TLN2: variants seen among roughly 807,000 people sequenced by gnomAD.
TLN2 encodes the protein talin-2.
Under a neutral mutation model 294.7 loss-of-function variants are expected in TLN2, and 118 were observed. That is an observed-to-expected ratio of 0.40 (90% CI 0.34 to 0.47). The LOEUF (loss-of-function observed/expected upper bound fraction) is 0.47. Among genes scored for constraint, TLN2 ranks in the 20% least tolerant of loss-of-function variants. The pLI is 0.84. For missense variants in TLN2, 3,083 were observed against 3,282.2 expected, an observed-to-expected ratio of 0.94 and a Z score of 1.48; for synonymous variants, 1,431 against 1,304.5, an observed-to-expected ratio of 1.10 and a Z score of -2.09.
At chr15:62,392,429 T>C (rs1202840206) in intron 1 of TLN2, among the ~76,000 whole-genome samples, 1 of 152,220 alleles carries the variant, frequency 6.6e-6, no homozygotes, top group African/African-American at 2.4e-5. Flanking sequence ...CCACTTACTT[T>C]TCCATTAATA....
intron 42 of TLN2, 144 bp downstream of exon 42, chr15:62,771,278 A>G (rs937582634): frequency 6.3e-6 from 6 of 950,806 alleles, no homozygotes; most frequent in African/African-American, 1.7e-5. Context: ...GAAATAATCT[A>G]TTGGCCTTCC....
rs150640748 is a variant in TLN2, at chr15:62,457,972, A to G, written c.-238+67287A>G. Among the ~76,000 whole-genome samples, 22 of 152,342 alleles carry G rather than the reference A, an allele frequency of 1.4e-4. No individual in the cohort carries two copies. In the East Asian group the frequency reaches 2.3e-3, roughly 16 times the overall value. On this transcript the variant is annotated intron_variant, in intron 1 of 58. Coordinates refer to ENST00000636159, the MANE Select transcript of TLN2 (RefSeq NM_015059.3). ...TGGAAGTTTGGGATGGTTTGGAAGC[A>G]ACTGTGCCAGAAAACTGGAAAAAAA...
chr15:62,697,985 C>G, intron 15 of TLN2, 117 bp downstream of exon 15: 1 of 1,283,320 alleles, frequency 7.8e-7, no homozygotes, highest in South Asian at 1.4e-5. Context: ...CCGGCTGAAC[C>G]ATGCCTCGTT....
At chr15:62,703,295 G>T (rs1807056785) in intron 19 of TLN2, among the ~76,000 whole-genome samples, 1 of 151,846 alleles carries the variant, frequency 6.6e-6, no homozygotes, top group Non-Finnish European at 1.5e-5. Context: ...TAGAGACGGG[G>T]TTTCACTATG....
At chr15:62,497,617 A>G (rs1005128392) in intron 1 of TLN2, among the ~76,000 whole-genome samples, 2 of 152,330 alleles carry the variant, frequency 1.3e-5, no homozygotes, top group African/African-American at 4.8e-5. Context: ...GCCACCCAGC[A>G]GTGAGTTAGC....
chr15:62,455,312 G>A (rs9920908), intron 1 of TLN2, among the ~76,000 whole-genome samples: 1 of 152,024 alleles, frequency 6.6e-6, no homozygotes, highest in East Asian at 1.9e-4. Flanking sequence ...GGGGTTCCTG[G>A]AGGTGCACTT....
intron 52 of TLN2, among the ~76,000 whole-genome samples, chr15:62,815,815 T>G (rs2067064079): frequency 6.6e-6 from 1 of 152,246 alleles, no homozygotes; most frequent in African/African-American, 2.4e-5. Flanking sequence ...CCTATTTGCT[T>G]CAGATGCTTA....
rs182370129 is a variant in TLN2, at chr15:62,462,503, C to T, written c.-238+71818C>T. Among the ~76,000 whole-genome samples, 378 of 152,280 alleles carry T rather than the reference C, an allele frequency of 2.5e-3. 2 individuals carry two copies. Among genetic ancestry groups the T allele is most frequent in the South Asian group, 5.2e-3 (25 of 4,822 alleles). The stretch of plus-strand genomic sequence containing the variant: ...TACTCTTGGGTTCCTGGTTTTTAAC[C>T]AGTGATTCATCTTCCCTGGACCCTC... On this transcript the variant is annotated intron_variant, in intron 1 of 58. Coordinates refer to ENST00000636159, the MANE Select transcript of TLN2 (RefSeq NM_015059.3).
At position 62,686,738 on chromosome 15, in the gene TLN2, A is replaced by G; in HGVS notation, c.1055A>G (p.Gln352Arg). The change falls in exon 12 of 59, where the codon CAG (glutamine) becomes CGG (arginine). Residue 352 changes from glutamine to arginine, a missense_variant. Coordinates refer to ENST00000636159, the MANE Select transcript of TLN2 (RefSeq NM_015059.3). ...RVDEKTKEVL[Q>R]EWPLTTVKRW... is the part of the protein sequence containing the mutation. The stretch of plus-strand genomic sequence containing the variant: ...GATGAGAAGACCAAGGAAGTGCTGC[A>G]GGAGTGGCCCCTCACCACCGTCAAG... 6.2e-7 allele frequency: 1 copy of G among 1,613,900 alleles called. No homozygotes were observed. The highest frequency in any genetic ancestry group is 8.5e-7 in the Non-Finnish European group (1 of 1,179,930).
At chr15:62,811,116 C>T (rs1325262939) in intron 52 of TLN2, among the ~76,000 whole-genome samples, 2 of 152,214 alleles carry the variant, frequency 1.3e-5, no homozygotes, top group African/African-American at 2.4e-5. Flanking sequence ...CATTTCACTG[C>T]CTCCTTCTTA....
intron 19 of TLN2, among the ~76,000 whole-genome samples, chr15:62,706,480 T>G (rs2059079724): frequency 6.6e-6 from 1 of 152,264 alleles, no homozygotes; most frequent in Non-Finnish European, 1.5e-5. Flanking sequence ...TGCAGAACAC[T>G]GAGAATAACT....
rs1206980542 is a variant in TLN2, at chr15:62,580,484, C to T, written c.-237-9203C>T. 2.0e-5 allele frequency among the ~76,000 whole-genome samples: 3 copies of T among 148,108 alleles called. 1 individual carries two copies. The South Asian group carries it at 6.5e-4, about 32-fold the overall frequency. On this transcript the variant is annotated intron_variant, in intron 1 of 58. Coordinates refer to ENST00000636159, the MANE Select transcript of TLN2 (RefSeq NM_015059.3). ...GGAGTACAGTGGCGAGATCTAGGCA[C>T]AGTGCAGCCTTGACCTCCCAGGCTC...
chr15:62,719,563 T>G (rs2059996630), intron 24 of TLN2, among the ~76,000 whole-genome samples: 1 of 152,158 alleles, frequency 6.6e-6, no homozygotes, highest in African/African-American at 2.4e-5. Flanking sequence ...GGGTAGAGTA[T>G]GTGTAGAGAA....
chr15:62,610,019 A>C (rs143328369), intron 2 of TLN2, among the ~76,000 whole-genome samples: 1 of 152,318 alleles, frequency 6.6e-6, no homozygotes, highest in African/African-American at 2.4e-5. Context: ...TTTCTGGTAT[A>C]ATAAGACCTA....
At chr15:62,772,668 T>A (rs1221921894) in intron 42 of TLN2, among the ~76,000 whole-genome samples, 2 of 10,106 alleles carry the variant, frequency 2.0e-4, no homozygotes, top group Non-Finnish European at 3.9e-4. Flanking sequence ...TATTTATTTA[T>A]TTTTTTTTTT....
chr15:62,410,500 G>T (rs2033707794), intron 1 of TLN2, among the ~76,000 whole-genome samples: 1 of 152,182 alleles, frequency 6.6e-6, no homozygotes, highest in African/African-American at 2.4e-5. Flanking sequence ...CTTTAGCCAT[G>T]CTTTTTGTGA....
rs147299241 is a variant in TLN2 at position 62,563,249 on chromosome 15, C to T, written c.-237-26438C>T. On this transcript the variant is annotated intron_variant, in intron 1 of 58. Coordinates refer to ENST00000636159, the MANE Select transcript of TLN2 (RefSeq NM_015059.3). ...TGCTCCCTGTTCACCGCATCCACAC[C>T]GACATCTATTATGTTTTTTATTTTT... Among the ~76,000 whole-genome samples the T allele has an allele frequency of 1.1e-3, 165 of 152,128 alleles. 1 individual carries two copies. Among genetic ancestry groups the T allele is most frequent in the African/African-American group, 2.5e-3 (104 of 41,502 alleles).
At chr15:62,422,478 T>C (rs2034470394) in intron 1 of TLN2, among the ~76,000 whole-genome samples, 1 of 152,216 alleles carries the variant, frequency 6.6e-6, no homozygotes, top group Non-Finnish European at 1.5e-5. Context: ...TATAAAATTA[T>C]AGTTTTTACT....
intron 8 of TLN2, among the ~76,000 whole-genome samples, chr15:62,657,372 C>G (rs2053345560): frequency 6.6e-6 from 1 of 152,116 alleles, no homozygotes; most frequent in Non-Finnish European, 1.5e-5. Flanking sequence ...GATTTTACCT[C>G]TAGATATTTG....
Sources: allele counts gnomAD v4.1 joint callset (sites outside exome capture counted in the v4.1 genomes callset), GRCh38; gene constraint gnomAD v4.1.1; transcripts MANE v1.5; gene names NCBI Gene and HGNC (gene_info 2026-07-23, HGNC 2026-07-21).